The following LGSN variants were observed in gnomAD, a reference collection of about 807,000 sequenced individuals.
The protein encoded by LGSN is lengsin, lens protein with glutamine synthetase domain.
LGSN carries 21 observed loss-of-function variants against 19.5 expected under a neutral mutation model. The ratio of observed to expected loss-of-function variants is 1.07; its 90% CI spans 0.76 to 1.55. The LOEUF (loss-of-function observed/expected upper bound fraction) is 1.55. Ranked by LOEUF, LGSN falls within the 40% of genes most tolerant of loss-of-function variation. LGSN has a pLI of 0.00. For synonymous variants in LGSN, 257 were observed against 215.6 expected (o/e 1.19, Z -1.68); for missense variants, 673 against 608.5 (o/e 1.11, Z -1.12).
the LGSN span, among the ~76,000 whole-genome samples, chr6:63,356,327 G>C: frequency 6.6e-6 from 1 of 152,130 alleles, no homozygotes; most frequent in East Asian, 1.9e-4. Flanking sequence ...ATCACGTGAA[G>C]TCAGGAGTTC....
the LGSN span, among the ~76,000 whole-genome samples, chr6:63,400,808 A>G: frequency 6.6e-6 from 1 of 152,216 alleles, no homozygotes; most frequent in Non-Finnish European, 1.5e-5. Flanking sequence ...AGCCTGGACA[A>G]CATGGTGAAA....
At chr6:63,408,423 A>G in the LGSN span, among the ~76,000 whole-genome samples, 5 of 146,516 alleles carry the variant, frequency 3.4e-5, no homozygotes, top group Admixed American at 6.8e-5. Flanking sequence ...AAAACAAGCA[A>G]TGGGGAAAGG....
chr6:63,546,784 A>C, the LGSN span, among the ~76,000 whole-genome samples: 1 of 152,198 alleles, frequency 6.6e-6, no homozygotes, highest in African/African-American at 2.4e-5. Flanking sequence ...TAGTGACTAT[A>C]GTTAATAATA....
chr6:63,520,423 TC>T, the LGSN span, among the ~76,000 whole-genome samples: 1 of 152,012 alleles, frequency 6.6e-6, no homozygotes, highest in Admixed American at 6.6e-5. Context: ...GGCCAGGAGT[TC>T]AAGACCAGCC....
At chr6:63,405,169 T>C in the LGSN span, among the ~76,000 whole-genome samples, 2,293 of 151,934 alleles carry the variant, frequency 0.015, 62 homozygotes, top group African/African-American at 0.052. Flanking sequence ...TATTCCATGG[T>C]GTATATGTGC....
At chr6:63,438,682 A>G in the LGSN span, among the ~76,000 whole-genome samples, 2 of 152,188 alleles carry the variant, frequency 1.3e-5, no homozygotes, top group South Asian at 2.1e-4. Flanking sequence ...TTAGAATGCC[A>G]ATCATTAAAA....
At chr6:63,305,413 T>C (rs1185941415) in intron 1 of LGSN, among the ~76,000 whole-genome samples, 3 of 152,144 alleles carry the variant, frequency 2.0e-5, no homozygotes, top group African/African-American at 7.2e-5. Flanking sequence ...AAGGGAGGAA[T>C]TGTTTACATA....
the LGSN span, among the ~76,000 whole-genome samples, chr6:63,333,608 A>AAGGG: frequency 2.4e-5 from 3 of 126,482 alleles, no homozygotes; most frequent in Non-Finnish European, 4.9e-5. Context: ...GGAGGGAGGG[A>AAGGG]AGGGAGGGAG....
chr6:63,332,753 A>T, the LGSN span, among the ~76,000 whole-genome samples: 1 of 152,114 alleles, frequency 6.6e-6, no homozygotes, highest in Non-Finnish European at 1.5e-5. Flanking sequence ...GCTTGGTGAT[A>T]GGTGATGGTC....
the LGSN span, among the ~76,000 whole-genome samples, chr6:63,368,197 C>T: frequency 3.8e-4 from 58 of 152,186 alleles, no homozygotes; most frequent in African/African-American, 1.3e-3. Context: ...AAGTTAAAGA[C>T]GCCTGCTCAG....
the LGSN span, among the ~76,000 whole-genome samples, chr6:63,516,785 G>T: frequency 6.6e-6 from 1 of 152,164 alleles, no homozygotes; most frequent in Non-Finnish European, 1.5e-5. Flanking sequence ...GAAAGGGGTA[G>T]GACTTCCTCT....
intron 1 of LGSN, among the ~76,000 whole-genome samples, chr6:63,304,482 G>T (rs1768304247): frequency 6.6e-6 from 1 of 152,206 alleles, no homozygotes; most frequent in African/African-American, 2.4e-5. Context: ...AGAAATCTGT[G>T]CAGTGGCTTA....
At chr6:63,465,424 C>A in the LGSN span, among the ~76,000 whole-genome samples, 5 of 152,082 alleles carry the variant, frequency 3.3e-5, no homozygotes, top group East Asian at 9.7e-4. Context: ...TCAAGTGATA[C>A]GCCCACCCTG....
At chr6:63,442,207 G>A in the LGSN span, among the ~76,000 whole-genome samples, 16 of 152,292 alleles carry the variant, frequency 1.1e-4, no homozygotes, top group Middle Eastern at 6.8e-3. Flanking sequence ...ACTGGCTTCA[G>A]GAGTGAAGAT....
At chr6:63,548,977 G>A in the LGSN span, 15 of 740,692 alleles carry the variant, frequency 2.0e-5, no homozygotes, top group Non-Finnish European at 2.9e-5. Context: ...TAAGGGACCC[G>A]CATTTTATGA....
the LGSN span, among the ~76,000 whole-genome samples, chr6:63,563,819 C>T: frequency 5.9e-5 from 9 of 152,050 alleles, no homozygotes; most frequent in African/African-American, 7.2e-5. Context: ...CCATTGTTAA[C>T]GGGATTGAGA....
At chr6:63,376,837 A>G in the LGSN span, among the ~76,000 whole-genome samples, 82 of 152,366 alleles carry the variant, frequency 5.4e-4, no homozygotes, top group African/African-American at 1.9e-3. Context: ...TACAAAGTGC[A>G]TTTTAACAAT....
At chr6:63,480,303 A>G in the LGSN span, 1 of 214,876 alleles carries the variant, frequency 4.7e-6, no homozygotes, top group Non-Finnish European at 1.0e-5. Context: ...CATTGGTATA[A>G]TTACATCAAG....
At chr6:63,377,293 A>G in the LGSN span, among the ~76,000 whole-genome samples, 4,386 of 152,218 alleles carry the variant, frequency 0.029, 219 homozygotes, top group African/African-American at 0.1. Flanking sequence ...AGAAGGTGTA[A>G]GAGGTCTAAC....
Sources: allele counts gnomAD v4.1 joint callset (sites outside exome capture counted in the v4.1 genomes callset), GRCh38; gene constraint gnomAD v4.1.1; transcripts MANE v1.5; gene names NCBI Gene and HGNC (gene_info 2026-07-23, HGNC 2026-07-21).